TMTC2: variants seen among roughly 807,000 people sequenced by gnomAD.
TMTC2 encodes the protein transmembrane O-mannosyltransferase targeting cadherins 2.
TMTC2 carries 43 observed loss-of-function variants against 82.4 expected under a neutral mutation model. The observed-to-expected ratio is 0.52, with a 90% CI of 0.41 to 0.67. The LOEUF (loss-of-function observed/expected upper bound fraction) is 0.67, where lower values mean the gene tolerates loss of function less well. TMTC2 is among the 30% of genes least tolerant of loss of function. The probability of loss-of-function intolerance (pLI) is 0.00; values close to 1 mark genes in which losing one functional copy is unlikely to be tolerated. For missense variants in TMTC2, 919 were observed against 1,012.4 expected (o/e 0.91, Z 1.25); for synonymous variants, 408 against 381.9 (o/e 1.07, Z -0.80).
At chr12:83,071,404 G>A (rs1404046947) in intron 11 of TMTC2, among the ~76,000 whole-genome samples, 6 of 152,110 alleles carry the variant, frequency 3.9e-5, no homozygotes, top group South Asian at 2.1e-4. Flanking sequence ...TGATCCACCC[G>A]CCTTGGCCTC....
chr12:82,824,904 C>T (rs1478245420), intron 1 of TMTC2, among the ~76,000 whole-genome samples: 2 of 152,076 alleles, frequency 1.3e-5, no homozygotes, highest in African/African-American at 4.8e-5. Flanking sequence ...GCTTGGCCAA[C>T]ATGGTGAAAC....
chr12:82,708,719 C>A (rs536297009), intron 1 of TMTC2, among the ~76,000 whole-genome samples: 34 of 152,156 alleles, frequency 2.2e-4, no homozygotes, highest in Non-Finnish European at 4.3e-4. Flanking sequence ...ACTTGGGCCC[C>A]CTCTGCCTCC....
chr12:82,965,599 G>T lies in TMTC2; in HGVS notation c.1724G>T (p.Gly575Val), dbSNP rs753425767. The stretch of plus-strand genomic sequence containing the variant: ...ACCGGTATTATTCTAATGAACCAAG[G>T]AAGGACGGAAGAAGCCCGACGGACA... ...LNTGIILMNQGRTEEARRTFL... is the reference protein window; with the variant it reads ...LNTGIILMNQVRTEEARRTFL... The change falls in exon 6 of 12, where the codon GGA (glycine) becomes GTA (valine). Residue 575 changes from glycine to valine, a missense_variant. Coordinates refer to ENST00000321196, the MANE Select transcript of TMTC2 (RefSeq NM_152588.3). The T allele has an allele frequency of 2.5e-6, 4 of 1,613,522 alleles. No homozygotes were observed. The highest frequency in any genetic ancestry group is 1.6e-4 in the Middle Eastern group (1 of 6,084).
At chr12:82,794,099 G>T (rs1038941606) in intron 1 of TMTC2, among the ~76,000 whole-genome samples, 1 of 152,088 alleles carries the variant, frequency 6.6e-6, no homozygotes, top group Non-Finnish European at 1.5e-5. Context: ...TATTTGCCCA[G>T]GCTCTGTTGA....
At chr12:83,047,049 G>A (rs868142913) in intron 9 of TMTC2, among the ~76,000 whole-genome samples, 2 of 152,218 alleles carry the variant, frequency 1.3e-5, no homozygotes, top group Non-Finnish European at 2.9e-5. Context: ...TTTACAATAG[G>A]TAGGCCAGAC....
chr12:82,692,534 G>C (rs1049488490), intron 1 of TMTC2, among the ~76,000 whole-genome samples: 1 of 152,186 alleles, frequency 6.6e-6, no homozygotes, highest in Non-Finnish European at 1.5e-5. Context: ...TATTAGGAAA[G>C]GATGACGTTT....
chr12:82,854,011 T>G (rs188142008), intron 1 of TMTC2, among the ~76,000 whole-genome samples: 1 of 152,032 alleles, frequency 6.6e-6, no homozygotes, highest in South Asian at 2.1e-4. Flanking sequence ...CTGGGTAGAC[T>G]CTTGATGAAT....
chr12:83,012,633 C>T (rs1880509537), intron 8 of TMTC2, among the ~76,000 whole-genome samples: 1 of 152,006 alleles, frequency 6.6e-6, no homozygotes, highest in Non-Finnish European at 1.5e-5. Context: ...TTTATATATT[C>T]ATTTTTTATT....
intron 11 of TMTC2, among the ~76,000 whole-genome samples, chr12:83,094,551 T>C (rs1472682256): frequency 6.6e-6 from 1 of 152,128 alleles, no homozygotes; most frequent in African/African-American, 2.4e-5. Flanking sequence ...TCCATTTGCA[T>C]TGTAGAGGAT....
intron 1 of TMTC2, among the ~76,000 whole-genome samples, chr12:82,724,423 C>T (rs974161630): frequency 6.6e-6 from 1 of 152,128 alleles, no homozygotes; most frequent in Non-Finnish European, 1.5e-5. Flanking sequence ...ATCATGGGGA[C>T]TGTTTCCCCC....
intron 1 of TMTC2, among the ~76,000 whole-genome samples, chr12:82,777,164 A>C (rs939048881): frequency 6.6e-6 from 1 of 152,108 alleles, no homozygotes; most frequent in Non-Finnish European, 1.5e-5. Flanking sequence ...AGTATGTTAT[A>C]GCTAGGATGA....
rs564619653 is a variant in TMTC2 at position 82,917,694 on chromosome 12, A to T, written c.1484-12737A>T. On this transcript the variant is annotated intron_variant, in intron 3 of 11. Coordinates refer to ENST00000321196, the MANE Select transcript of TMTC2 (RefSeq NM_152588.3). ...TCGTCTCACTGCAAGCTCCGCCTCC[A>T]GGGTTCATGCCATTCTCCTGCCTCA... 7.5e-5 allele frequency among the ~76,000 whole-genome samples: 11 copies of T among 147,084 alleles called. No individual in the cohort carries two copies. The East Asian group carries it at 1.8e-3, about 24-fold the overall frequency.
intron 1 of TMTC2, among the ~76,000 whole-genome samples, chr12:82,774,589 C>T (rs538524206): frequency 6.6e-6 from 1 of 151,446 alleles, no homozygotes; most frequent in East Asian, 1.9e-4. Flanking sequence ...CCACTGCACT[C>T]CAGCCTGGGT....
rs183695246 is a variant in TMTC2 at position 83,071,512 on chromosome 12, A to T, written c.2331+9681A>T. ...CTTTCCTGGTTTTGGTATTAGGGTTATGCTGGCTTCATAAGGGTTCCTTCT... is the reference window on the plus strand; with the variant it reads ...CTTTCCTGGTTTTGGTATTAGGGTTTTGCTGGCTTCATAAGGGTTCCTTCT... On this transcript the variant is annotated intron_variant, in intron 11 of 11. Transcript: ENST00000321196. 2.1e-3 allele frequency among the ~76,000 whole-genome samples: 325 copies of T among 152,234 alleles called. 2 individuals are homozygous for T. The highest frequency in any genetic ancestry group is 6.8e-3 in the Middle Eastern group (2 of 294).
intron 2 of TMTC2, among the ~76,000 whole-genome samples, chr12:82,866,244 C>CAAAAAAAAA (rs762068833): frequency 2.7e-4 from 14 of 52,318 alleles, no homozygotes; most frequent in East Asian, 5.7e-4. Context: ...TTGAAAAGAT[C>CAAAAAAAAA]AAAAAAAAAA....
chr12:82,792,164 T>C (rs1424985571), intron 1 of TMTC2, among the ~76,000 whole-genome samples: 1 of 152,046 alleles, frequency 6.6e-6, no homozygotes, highest in East Asian at 1.9e-4. Context: ...GCTTTTCTTA[T>C]CTGAAAATGG....
At chr12:83,092,365 G>T (rs17010589) in intron 11 of TMTC2, among the ~76,000 whole-genome samples, 3,835 of 152,276 alleles carry the variant, frequency 0.025, 180 homozygotes, top group African/African-American at 0.086. Context: ...TTGCAAGCAT[G>T]TCTGTCCCAG....
At chr12:83,110,409 G>C (rs185357592) in intron 11 of TMTC2, among the ~76,000 whole-genome samples, 19 of 152,064 alleles carry the variant, frequency 1.2e-4, no homozygotes, top group Admixed American at 9.2e-4. Context: ...AACTTCTCAG[G>C]CTAATTCCTC....
intron 1 of TMTC2, among the ~76,000 whole-genome samples, chr12:82,838,722 C>T (rs973326182): frequency 6.6e-6 from 1 of 150,724 alleles, no homozygotes; most frequent in African/African-American, 2.4e-5. Context: ...CCTCTAGGGG[C>T]TTTATTTTCA....
Sources: gnomAD v4.1 joint callset for allele counts (sites outside exome capture counted in the v4.1 genomes callset) on GRCh38, gnomAD v4.1.1 for gene constraint, MANE v1.5 for transcripts, NCBI Gene and HGNC (gene_info 2026-07-23, HGNC 2026-07-21) for gene names.